The following ADGRL3 variants were observed in gnomAD, a reference collection of about 807,000 sequenced individuals.
ADGRL3 encodes the protein calcium-independent alpha-latrotoxin receptor 3.
Under a neutral mutation model 153.5 loss-of-function variants are expected in ADGRL3, and 62 were observed. The ratio of observed to expected loss-of-function variants is 0.40; its 90% confidence interval spans 0.33 to 0.50. The LOEUF is 0.50. Among genes scored for constraint, ADGRL3 ranks in the 20% least tolerant of loss-of-function variants. The probability of loss-of-function intolerance (pLI) is 0.47; values close to 1 mark genes in which losing one functional copy is unlikely to be tolerated. For missense variants in ADGRL3, 1,641 were observed against 1,859.4 expected, an observed-to-expected ratio of 0.88 and a Z score of 2.16; for synonymous variants, 710 against 672.5, an observed-to-expected ratio of 1.06 and a Z score of -0.86.
chr4:61,587,128 C>T (rs773850408), intron 4 of ADGRL3, 99 bp from the exon 5 acceptor site: 13 of 643,884 alleles, frequency 2.0e-5, no homozygotes, highest in Middle Eastern at 8.6e-4. Flanking sequence ...TTTATATCTT[C>T]GTATTGATTT....
At chr4:61,237,680 CAGTTATT>C (rs1753357454) in intron 1 of ADGRL3, among the ~76,000 whole-genome samples, 1 of 152,136 alleles carries the variant, frequency 6.6e-6, no homozygotes, top group Admixed American at 6.5e-5. Flanking sequence ...GCTTCTTCTG[CAGTTATT>C]AGTATTCTGG....
chr4:61,291,689 G>A (rs961316192), intron 1 of ADGRL3, among the ~76,000 whole-genome samples: 2 of 146,924 alleles, frequency 1.4e-5, no homozygotes, highest in Non-Finnish European at 3.0e-5. Flanking sequence ...TGAATGAATG[G>A]TTTAATACAG....
At chr4:61,291,222 A>ACACACC (rs1475662665) in intron 1 of ADGRL3, among the ~76,000 whole-genome samples, 1 of 150,286 alleles carries the variant, frequency 6.7e-6, no homozygotes, top group Non-Finnish European at 1.5e-5. Flanking sequence ...ACACACGCAC[A>ACACACC]CACACACACC....
chr4:61,466,949 A>G (rs1560683603), intron 2 of ADGRL3, among the ~76,000 whole-genome samples: 2 of 152,096 alleles, frequency 1.3e-5, no homozygotes, highest in Admixed American at 6.6e-5. Context: ...TGCTACAAGT[A>G]TTTAGCCAAA....
intron 3 of ADGRL3, among the ~76,000 whole-genome samples, chr4:61,507,819 A>G (rs936780364): frequency 6.6e-6 from 1 of 152,200 alleles, no homozygotes; most frequent in African/African-American, 2.4e-5. Flanking sequence ...ACCTCTGTCA[A>G]TATGTGGATC....
At chr4:61,330,245 G>T (rs186992146) in intron 1 of ADGRL3, among the ~76,000 whole-genome samples, 1 of 152,252 alleles carries the variant, frequency 6.6e-6, no homozygotes, top group East Asian at 1.9e-4. Flanking sequence ...ATTATTTCTA[G>T]GTGTGTTTGG....
intron 4 of ADGRL3, among the ~76,000 whole-genome samples, chr4:61,532,752 TAA>T (rs75750017): frequency 5.6e-5 from 8 of 142,164 alleles, no homozygotes; most frequent in Admixed American, 7.1e-5. Context: ...TTTAGATGTT[TAA>T]AAAAAAAAAA....
At chr4:61,375,939 G>A (rs2096597658) in intron 1 of ADGRL3, among the ~76,000 whole-genome samples, 1 of 151,956 alleles carries the variant, frequency 6.6e-6, no homozygotes, top group African/African-American at 2.4e-5. Context: ...TTTCTTTCCT[G>A]AATTGACTCC....
chr4:61,894,058 T>G (rs1051937717), intron 10 of ADGRL3, among the ~76,000 whole-genome samples: 5 of 152,154 alleles, frequency 3.3e-5, no homozygotes, highest in Non-Finnish European at 7.4e-5. Flanking sequence ...TCTTCACCTG[T>G]TAACCATATT....
intron 17 of ADGRL3, among the ~76,000 whole-genome samples, chr4:61,949,370 G>A (rs960308530): frequency 6.6e-5 from 10 of 152,036 alleles, no homozygotes; most frequent in African/African-American, 2.4e-4. Flanking sequence ...TCTGAATATT[G>A]TATGTCATAA....
intron 25 of ADGRL3, among the ~76,000 whole-genome samples, chr4:62,049,031 TA>T (rs1732704245): frequency 6.6e-6 from 1 of 152,198 alleles, no homozygotes; most frequent in South Asian, 2.1e-4. Context: ...GTAAATATTA[TA>T]TTTGTTAGGC....
At chr4:61,895,949 CA>C in intron 11 of ADGRL3, 115 bp downstream of exon 11, 1 of 549,430 alleles carries the variant, frequency 1.8e-6, no homozygotes, top group Non-Finnish European at 3.1e-6. Context: ...TAGAAAATTT[CA>C]CATTTAATGA....
intron 9 of ADGRL3, among the ~76,000 whole-genome samples, chr4:61,878,662 A>C (rs1406954442): frequency 6.6e-6 from 1 of 152,192 alleles, no homozygotes; most frequent in African/African-American, 2.4e-5. Context: ...TGTTGATGTT[A>C]GAGTTCACTT....
intron 9 of ADGRL3, among the ~76,000 whole-genome samples, chr4:61,857,596 G>A (rs766779097): frequency 2.6e-5 from 4 of 151,720 alleles, no homozygotes; most frequent in African/African-American, 4.9e-5. Flanking sequence ...ATACACAGCC[G>A]AGAAAGGTGT....
chr4:61,521,327 T>A (rs1430697257), intron 4 of ADGRL3, among the ~76,000 whole-genome samples: 1 of 152,104 alleles, frequency 6.6e-6, no homozygotes, highest in East Asian at 1.9e-4. Context: ...GATTGAAACA[T>A]AGAAGTCCCA....
intron 5 of ADGRL3, among the ~76,000 whole-genome samples, chr4:61,655,644 A>G (rs1202611930): frequency 1.3e-5 from 2 of 152,182 alleles, no homozygotes; most frequent in Non-Finnish European, 2.9e-5. Flanking sequence ...GTCAGTAGCA[A>G]GAAGGTCGTC....
At chr4:61,541,009 G>A (rs1047415047) in intron 4 of ADGRL3, among the ~76,000 whole-genome samples, 3 of 152,212 alleles carry the variant, frequency 2.0e-5, no homozygotes, top group Admixed American at 6.5e-5. Context: ...GCTGAGCTGA[G>A]GAGGTAAGGA....
intron 2 of ADGRL3, among the ~76,000 whole-genome samples, chr4:61,496,536 G>C (rs1423502597): frequency 1.3e-5 from 2 of 152,108 alleles, no homozygotes; most frequent in Non-Finnish European, 2.9e-5. Flanking sequence ...AAGCTACCCG[G>C]GAGGCTGAGG....
intron 6 of ADGRL3, among the ~76,000 whole-genome samples, chr4:61,726,210 G>GTTTCTTTTTTTTTTTTTTTTTTT (rs2096336633): frequency 8.4e-6 from 1 of 118,480 alleles, no homozygotes; most frequent in African/African-American, 3.2e-5. Flanking sequence ...TTTTTTTTTT[G>GTTTCTTTTTTTTTTTTTTTTTTT]TTTTTTGAGA....
Sources: gnomAD v4.1 joint callset for allele counts (sites outside exome capture counted in the v4.1 genomes callset) on GRCh38, gnomAD v4.1.1 for gene constraint, MANE v1.5 for transcripts, NCBI Gene and HGNC (gene_info 2026-07-23, HGNC 2026-07-21) for gene names.